PCDH15: variants seen among roughly 807,000 people sequenced by gnomAD.
PCDH15 encodes the protein protocadherin-15.
PCDH15 carries 129 observed loss-of-function variants against 178.5 expected under a neutral mutation model. That is an observed-to-expected ratio of 0.72 (90% confidence interval 0.63 to 0.84). PCDH15 has a LOEUF of 0.84. Ranked by LOEUF, PCDH15 falls within the 40% of genes least tolerant of loss-of-function variation. The pLI, the probability that PCDH15 is intolerant of heterozygous loss-of-function variation, is 0.00. For synonymous variants in PCDH15, 800 were observed against 732.0 expected (o/e 1.09, Z -1.50); for missense variants, 2,230 against 2,099.9 (o/e 1.06, Z -1.21).
At chr10:55,350,228 C>CATATATATATATATAT (rs869240598) in intron 2 of PCDH15, among the ~76,000 whole-genome samples, 35 of 73,404 alleles carry the variant, frequency 4.8e-4, no homozygotes, top group East Asian at 8.2e-4. Flanking sequence ...TATATAAACT[C>CATATATATATATATAT]ATATATATAT....
At chr10:55,560,448 T>A (rs1842174884) in intron 2 of PCDH15, among the ~76,000 whole-genome samples, 1 of 151,924 alleles carries the variant, frequency 6.6e-6, no homozygotes, top group African/African-American at 2.4e-5. Context: ...TGATAGTGAA[T>A]TAAAATTATC....
intron 1 of PCDH15, among the ~76,000 whole-genome samples, chr10:55,175,663 CAA>C (rs71014459): frequency 0.45 from 47,665 of 105,516 alleles, 6,890 homozygotes; most frequent in East Asian, 0.63. Context: ...GACTCTGTCT[CAA>C]AAAAAAAAAA....
intron 2 of PCDH15, among the ~76,000 whole-genome samples, chr10:55,150,070 G>A (rs1295334698): frequency 1.9e-5 from 2 of 102,700 alleles, no homozygotes; most frequent in African/African-American, 6.6e-5. Context: ...AAGAGGAGAG[G>A]AGGGGGAGGG....
chr10:54,997,500 A>T (rs903504487), intron 2 of PCDH15, among the ~76,000 whole-genome samples: 2 of 152,210 alleles, frequency 1.3e-5, no homozygotes, highest in African/African-American at 4.8e-5. Context: ...TCTGGGTTTT[A>T]TATTTGTCTT....
At chr10:54,590,620 T>G (rs1462556553) in intron 2 of PCDH15, among the ~76,000 whole-genome samples, 2 of 152,148 alleles carry the variant, frequency 1.3e-5, no homozygotes, top group South Asian at 4.1e-4. Context: ...AGCACAACAC[T>G]AGATGCTGTG....
chr10:53,928,806 C>T (rs2084795413), intron 25 of PCDH15, among the ~76,000 whole-genome samples: 1 of 151,812 alleles, frequency 6.6e-6, no homozygotes, highest in Non-Finnish European at 1.5e-5. Flanking sequence ...AAATATTTGG[C>T]ATTCAATGAA....
chr10:54,673,100 C>G (rs1261634131), intron 1 of PCDH15, among the ~76,000 whole-genome samples: 1 of 151,876 alleles, frequency 6.6e-6, no homozygotes, highest in South Asian at 2.1e-4. Context: ...AATTAAAGTT[C>G]TGGGATACAT....
At chr10:54,525,232 A>G (rs920288393) in intron 3 of PCDH15, among the ~76,000 whole-genome samples, 3 of 152,218 alleles carry the variant, frequency 2.0e-5, no homozygotes, top group Non-Finnish European at 4.4e-5. Flanking sequence ...AATAGACATC[A>G]GTTAAGTGAG....
At chr10:53,951,158 T>A (rs2134179620) in intron 23 of PCDH15, among the ~76,000 whole-genome samples, 1 of 152,330 alleles carries the variant, frequency 6.6e-6, no homozygotes, top group East Asian at 1.9e-4. Context: ...TCTCAATTTC[T>A]AATGAAAAAC....
chr10:54,244,697 G>T (rs7910314), intron 8 of PCDH15, among the ~76,000 whole-genome samples: 7,124 of 152,114 alleles, frequency 0.047, 404 homozygotes, highest in African/African-American at 0.14. Context: ...CAACTATTCT[G>T]GTTCCTACTT....
chr10:54,329,804 A>T, intron 6 of PCDH15, 98 bp from the exon 7 acceptor site: 1 of 805,770 alleles, frequency 1.2e-6, no homozygotes, highest in South Asian at 1.4e-5. Context: ...TAGAGATGAC[A>T]TGCTTATCAT....
intron 32 of PCDH15, chr10:53,823,708 T>C (rs1407828734): frequency 2.2e-6 from 1 of 452,700 alleles, no homozygotes; most frequent in East Asian, 6.6e-5. Flanking sequence ...AAATCACAGT[T>C]CTTCCCATTG....
intron 3 of PCDH15, among the ~76,000 whole-genome samples, chr10:54,871,593 C>A (rs1954042429): frequency 6.6e-6 from 1 of 151,834 alleles, no homozygotes; most frequent in African/African-American, 2.4e-5. Context: ...AAGTCATATT[C>A]CATATGTTTA....
intron 15 of PCDH15, among the ~76,000 whole-genome samples, chr10:54,091,425 T>C (rs1174223843): frequency 6.6e-6 from 1 of 152,110 alleles, no homozygotes; most frequent in Non-Finnish European, 1.5e-5. Context: ...AGGCTGAGTG[T>C]GAAATTCCCT....
intron 15 of PCDH15, 74 bp downstream of exon 15, chr10:54,132,801 T>A: frequency 6.5e-7 from 1 of 1,549,684 alleles, no homozygotes; most frequent in Non-Finnish European, 8.7e-7. Context: ...TACACAAATA[T>A]AAACTCATTA....
intron 1 of PCDH15, among the ~76,000 whole-genome samples, chr10:55,167,389 T>G (rs1377887808): frequency 1.3e-5 from 2 of 152,176 alleles, no homozygotes; most frequent in Non-Finnish European, 2.9e-5. Context: ...GTGCTGGGCT[T>G]ACAGGTGTGA....
intron 2 of PCDH15, among the ~76,000 whole-genome samples, chr10:55,625,855 C>G (rs1383632797): frequency 4.6e-5 from 7 of 152,116 alleles, no homozygotes; most frequent in African/African-American, 1.4e-4. Flanking sequence ...TCCTTAAGTA[C>G]TGTCCATCTT....
At chr10:54,418,817 T>C (rs1392173975) in intron 3 of PCDH15, among the ~76,000 whole-genome samples, 1 of 151,900 alleles carries the variant, frequency 6.6e-6, no homozygotes, top group Non-Finnish European at 1.5e-5. Context: ...TAGGTAAAAA[T>C]ATAAAAATTT....
intron 2 of PCDH15, among the ~76,000 whole-genome samples, chr10:54,940,027 T>A (rs1372800886): frequency 6.6e-6 from 1 of 152,184 alleles, no homozygotes; most frequent in Non-Finnish European, 1.5e-5. Context: ...TTGTTATCTC[T>A]TCCATTAATT....
Sources: gnomAD v4.1 joint callset for allele counts (sites outside exome capture counted in the v4.1 genomes callset) on GRCh38, gnomAD v4.1.1 for gene constraint, MANE v1.5 for transcripts, NCBI Gene and HGNC (gene_info 2026-07-23, HGNC 2026-07-21) for gene names.